FHIP1A: variants seen among roughly 807,000 people sequenced by gnomAD.
The protein encoded by FHIP1A is FHF complex subunit HOOK interacting protein 1A, also known as FHF complex subunit HOOK-interacting protein 1A.
Under a neutral mutation model 88.6 loss-of-function variants are expected in FHIP1A, and 61 were observed. The observed-to-expected ratio is 0.69, with a 90% CI of 0.56 to 0.85. The LOEUF is 0.85. FHIP1A is among the 40% of genes least tolerant of loss of function. FHIP1A has a pLI of 0.00. For missense variants in FHIP1A, 1,154 were observed against 1,273.5 expected, an observed-to-expected ratio of 0.91 and a Z score of 1.43; for synonymous variants, 478 against 496.0, an observed-to-expected ratio of 0.96 and a Z score of 0.48.
At chr4:151,607,814 C>T (rs945005553) in intron 7 of FHIP1A, among the ~76,000 whole-genome samples, 17 of 152,078 alleles carry the variant, frequency 1.1e-4, no homozygotes, top group Non-Finnish European at 1.5e-4. Flanking sequence ...TACATACTAC[C>T]TATTATTACT....
In FHIP1A at chr4:151,629,716, G is replaced by A; in HGVS notation, c.993G>A (p.Glu331=). 1 of 1,551,072 alleles carries A rather than the reference G, an allele frequency of 6.4e-7. No individual in the cohort carries two copies. The part of the protein sequence containing the change: ...APALHKVTVE[E]VMTTTAYLDL... Reference sequence around the variant, plus strand: ...GTTTGTCCTAGGTGACTGTGGAAGAGGTCATGACCACAACTGCATATCTGG... The same window carrying A: ...GTTTGTCCTAGGTGACTGTGGAAGAAGTCATGACCACAACTGCATATCTGG... The change falls in exon 8 of 14, where the codon GAG becomes GAA. Residue 331 remains glutamate (E), a synonymous_variant. Coordinates refer to ENST00000435205, the MANE Select transcript of FHIP1A (RefSeq NM_001109977.3).
At chr4:151,416,268 T>TA (rs2126510899) in intron 1 of FHIP1A, among the ~76,000 whole-genome samples, 1 of 152,318 alleles carries the variant, frequency 6.6e-6, no homozygotes, top group South Asian at 2.1e-4. Context: ...CTAAAAGAGT[T>TA]GATTAATATT....
At chr4:151,556,577 A>G (rs1342434158) in intron 3 of FHIP1A, among the ~76,000 whole-genome samples, 4 of 152,130 alleles carry the variant, frequency 2.6e-5, no homozygotes, top group Non-Finnish European at 4.4e-5. Flanking sequence ...ATTTCAGTGT[A>G]TAATTAGTAA....
At chr4:151,475,865 G>GT (rs1561511965) in intron 2 of FHIP1A, among the ~76,000 whole-genome samples, 2,940 of 147,550 alleles carry the variant, frequency 0.02, 118 homozygotes, top group African/African-American at 0.068. Context: ...CTCTATTATC[G>GT]ATTTTTTTTT....
At chr4:151,650,685 T>G in intron 11 of FHIP1A, 93 bp downstream of exon 11, 1 of 1,437,388 alleles carries the variant, frequency 7.0e-7, no homozygotes, top group East Asian at 2.5e-5. Context: ...TAAGGGATAT[T>G]ATCGGTTTGT....
chr4:151,628,535 G>C (rs1736037610), intron 7 of FHIP1A, among the ~76,000 whole-genome samples: 1 of 152,098 alleles, frequency 6.6e-6, no homozygotes, highest in Non-Finnish European at 1.5e-5. Flanking sequence ...GAATATAAAA[G>C]GAATGGCCCA....
At chr4:151,430,336 G>A (rs1023925633) in intron 1 of FHIP1A, among the ~76,000 whole-genome samples, 2 of 152,210 alleles carry the variant, frequency 1.3e-5, no homozygotes, top group South Asian at 2.1e-4. Flanking sequence ...ACATTCCCAG[G>A]TGTTGAGTTC....
intron 1 of FHIP1A, among the ~76,000 whole-genome samples, chr4:151,445,872 A>T (rs1264595652): frequency 7.0e-6 from 1 of 143,574 alleles, no homozygotes; most frequent in Non-Finnish European, 1.5e-5. Flanking sequence ...ATATATATAT[A>T]TTTCATATGA....
chr4:151,486,866 G>T (rs1730100913), intron 3 of FHIP1A, among the ~76,000 whole-genome samples: 1 of 151,798 alleles, frequency 6.6e-6, no homozygotes, highest in African/African-American at 2.4e-5. Flanking sequence ...TACTCGGGAG[G>T]CTGAGGCAGG....
intron 7 of FHIP1A, among the ~76,000 whole-genome samples, chr4:151,622,426 G>C (rs1460568421): frequency 6.6e-6 from 1 of 152,080 alleles, no homozygotes; most frequent in Non-Finnish European, 1.5e-5. Flanking sequence ...TGAAAGAAGG[G>C]TGTCGTGGGT....
chr4:151,621,190 A>C (rs936991191), intron 7 of FHIP1A, among the ~76,000 whole-genome samples: 1 of 151,962 alleles, frequency 6.6e-6, no homozygotes, highest in Non-Finnish European at 1.5e-5. Context: ...CTGTCCCCTC[A>C]TTTTTGTGTC....
At chr4:151,412,346 C>T (rs1365982827) in intron 1 of FHIP1A, among the ~76,000 whole-genome samples, 1 of 151,820 alleles carries the variant, frequency 6.6e-6, no homozygotes, top group Non-Finnish European at 1.5e-5. Flanking sequence ...CCTCAGGTGA[C>T]CCACCCACCT....
At chr4:151,568,993 T>C (rs139178342) in intron 4 of FHIP1A, among the ~76,000 whole-genome samples, 1 of 152,238 alleles carries the variant, frequency 6.6e-6, no homozygotes, top group African/African-American at 2.4e-5. Flanking sequence ...ACTTATTTGT[T>C]GTTTTGGAGT....
chr4:151,462,189 T>C (rs1247441251), intron 2 of FHIP1A, among the ~76,000 whole-genome samples: 1 of 152,120 alleles, frequency 6.6e-6, no homozygotes, highest in Non-Finnish European at 1.5e-5. Context: ...AAATGTATTT[T>C]GAGGGTAAGG....
At chr4:151,520,711 G>A (rs1184514761) in intron 3 of FHIP1A, among the ~76,000 whole-genome samples, 1 of 152,094 alleles carries the variant, frequency 6.6e-6, no homozygotes, top group African/African-American at 2.4e-5. Flanking sequence ...TAACAAGAAG[G>A]TAGAGTGAGT....
chr4:151,496,520 AC>A (rs2126655314), intron 3 of FHIP1A, among the ~76,000 whole-genome samples: 1 of 151,858 alleles, frequency 6.6e-6, no homozygotes, highest in South Asian at 2.1e-4. Context: ...ATATTCACAG[AC>A]CCTATAGTCA....
chr4:151,504,888 G>T (rs1163397287), intron 3 of FHIP1A, among the ~76,000 whole-genome samples: 1 of 152,146 alleles, frequency 6.6e-6, no homozygotes, highest in Non-Finnish European at 1.5e-5. Context: ...AACGTGCTAG[G>T]ATTATAGGAG....
intron 3 of FHIP1A, among the ~76,000 whole-genome samples, chr4:151,506,392 T>G (rs964077574): frequency 1.2e-4 from 18 of 152,324 alleles, no homozygotes; most frequent in African/African-American, 4.3e-4. Context: ...TTAGTCTATT[T>G]ATGTTGCTAT....
intron 3 of FHIP1A, among the ~76,000 whole-genome samples, chr4:151,523,178 G>C (rs1161432622): frequency 1.3e-5 from 2 of 152,178 alleles, no homozygotes; most frequent in Non-Finnish European, 2.9e-5. Flanking sequence ...GGTTGCAGGA[G>C]AAAATCAACT....
Sources: allele counts gnomAD v4.1 joint callset (sites outside exome capture counted in the v4.1 genomes callset), GRCh38; gene constraint gnomAD v4.1.1; transcripts MANE v1.5; gene names NCBI Gene and HGNC (gene_info 2026-07-23, HGNC 2026-07-21).